The following KLHL13 variants were observed in gnomAD, a reference collection of about 807,000 sequenced individuals.
The protein encoded by KLHL13 is kelch like family member 13.
A neutral mutation model predicts 37.1 loss-of-function variants in KLHL13; 10 were observed. That is an observed-to-expected ratio of 0.27 (90% CI 0.17 to 0.46). The LOEUF is 0.46. Ranked by LOEUF, KLHL13 falls within the 20% of genes least tolerant of loss-of-function variation. The probability of loss-of-function intolerance (pLI) is 1.00; values close to 1 mark genes in which losing one functional copy is unlikely to be tolerated. For synonymous variants in KLHL13, 163 were observed against 181.2 expected (o/e 0.90, Z 0.81); for missense variants, 360 against 509.3 (o/e 0.71, Z 2.82).
chrX:117,905,872 C>A (rs942640413), intron 5 of KLHL13, among the ~76,000 whole-genome samples: 1 of 111,237 alleles, frequency 9.0e-6, no homozygotes. Context: ...TGACTATAGT[C>A]ACCCTGCTGT....
intron 1 of KLHL13, among the ~76,000 whole-genome samples, chrX:117,965,572 G>C (rs1352235595): frequency 9.0e-6 from 1 of 111,154 alleles, no homozygotes; most frequent in Non-Finnish European, 1.9e-5. Context: ...GCATCATCCT[G>C]ATACCAAAGT....
At chrX:117,901,995 C>G in intron 5 of KLHL13, 49 bp from the exon 7 acceptor site, 1 of 669,127 alleles carries the variant, frequency 1.5e-6, no homozygotes, top group Non-Finnish European at 2.3e-6. Context: ...TCAAATTTAG[C>G]AATTAATTAT....
chrX:118,050,822 A>G (rs1365647564), intron 1 of KLHL13, among the ~76,000 whole-genome samples: 1 of 111,864 alleles, frequency 8.9e-6, no homozygotes, highest in Admixed American at 9.5e-5. Context: ...ACAGCATAAA[A>G]TTATTATTTA....
intron 1 of KLHL13, among the ~76,000 whole-genome samples, chrX:118,085,796 G>GGT (rs4025518): frequency 0.21 from 17,704 of 85,319 alleles, 1,942 homozygotes; most frequent in East Asian, 0.32. Flanking sequence ...AATATTCCAT[G>GGT]GTGTGTGTGT....
At chrX:117,971,227 T>C (rs1300675334) in intron 1 of KLHL13, among the ~76,000 whole-genome samples, 1 of 111,724 alleles carries the variant, frequency 9.0e-6, no homozygotes, top group African/African-American at 3.2e-5. Context: ...GTAGGAATAT[T>C]AGAAACATTA....
chrX:118,096,348 C>T (rs1479070953), intron 1 of KLHL13, among the ~76,000 whole-genome samples: 16 of 111,454 alleles, frequency 1.4e-4, no homozygotes, highest in Admixed American at 1.2e-3. Flanking sequence ...ATAAATTCCT[C>T]GACACATACA....
intron 1 of KLHL13, among the ~76,000 whole-genome samples, chrX:117,991,546 A>G (rs910942312): frequency 1.8e-5 from 2 of 111,096 alleles, no homozygotes; most frequent in Admixed American, 9.6e-5. Flanking sequence ...ATGTATTTGT[A>G]GACTCCACTT....
At chrX:117,999,565 G>C (rs901421061) in intron 1 of KLHL13, among the ~76,000 whole-genome samples, 2 of 110,129 alleles carry the variant, frequency 1.8e-5, no homozygotes, top group Admixed American at 9.7e-5. Context: ...ATGGGGGAGG[G>C]ATAGCATTAG....
At chrX:118,028,601 G>A in intron 1 of KLHL13, 104 bp from the exon 2 acceptor site, 1 of 404,855 alleles carries the variant, frequency 2.5e-6, no homozygotes. Context: ...TTGAATTAAA[G>A]GAAAAATGTA....
intron 1 of KLHL13, among the ~76,000 whole-genome samples, chrX:118,051,906 G>C (rs2054618094): frequency 9.0e-6 from 1 of 111,313 alleles, no homozygotes; most frequent in Admixed American, 9.6e-5. Flanking sequence ...GGGGAGGGTG[G>C]TTGTGGAGGC....
At chrX:118,019,428 C>T (rs1167651159) in intron 1 of KLHL13, among the ~76,000 whole-genome samples, 2 of 109,599 alleles carry the variant, frequency 1.8e-5, no homozygotes, top group Non-Finnish European at 3.8e-5. Context: ...AAAATTTTCT[C>T]CCATTTTGTA....
intron 1 of KLHL13, among the ~76,000 whole-genome samples, chrX:118,018,910 G>A (rs937221799): frequency 9.0e-6 from 1 of 111,037 alleles, no homozygotes; most frequent in Non-Finnish European, 1.9e-5. Context: ...AGATATACAA[G>A]CCTAACCTTT....
chrX:118,051,145 T>C (rs1044251534), intron 1 of KLHL13, among the ~76,000 whole-genome samples: 8 of 108,778 alleles, frequency 7.4e-5, no homozygotes, highest in African/African-American at 2.7e-4. Context: ...TCATATTCTA[T>C]AAGTACTGGA....
chrX:117,945,539 C>A, exon 2 of KLHL13: 1 of 1,208,268 alleles, frequency 8.3e-7, no homozygotes, highest in Non-Finnish European at 1.1e-6. Flanking sequence ...CTCCAAGGGA[C>A]AATTTCATGT....
intron 1 of KLHL13, among the ~76,000 whole-genome samples, chrX:118,063,972 T>C (rs1452167310): frequency 9.0e-6 from 1 of 111,725 alleles, no homozygotes; most frequent in Non-Finnish European, 1.9e-5. Context: ...TATATTTTTT[T>C]CCGACTAAGT....
chrX:118,065,969 T>C lies in KLHL13; in HGVS notation c.-56+50539A>G, dbSNP rs757132578. Among the ~76,000 whole-genome samples, 21 of 112,018 alleles carry C rather than the reference T, an allele frequency of 1.9e-4. No individual in the cohort carries two copies. In the South Asian group the frequency reaches 7.4e-3, roughly 39 times the overall value. The stretch of plus-strand genomic sequence containing the variant: ...AGCTGATAGTATATTATCTAAAAAT[T>C]TGTAAAGTCATAACAAAAATTAAAC... On this transcript the variant is annotated intron_variant, in intron 1 of 6. Transcript: ENST00000371882.
chrX:117,926,043 G>T, intron 2 of KLHL13, among the ~76,000 whole-genome samples: 1 of 111,518 alleles, frequency 9.0e-6, no homozygotes, highest in African/African-American at 3.3e-5. Context: ...AAATAATTAG[G>T]CATTTTTAGT....
In KLHL13 at chrX:117,985,446, T is replaced by A. The variant is rs1386155732; in HGVS notation, c.-55-39871A>T. The A allele has an allele frequency of 1.0e-5, 8 of 780,880 alleles. No homozygotes were observed. In the Admixed American group the frequency reaches 3.7e-4, roughly 37 times the overall value. 64.4% of individuals were successfully genotyped at this position (780,880 alleles called of 1,213,427 possible). A position where few individuals can be genotyped will look rare whatever the true frequency, so the allele number is the denominator to read the frequency against. On this transcript the variant is annotated intron_variant, in intron 1 of 6. Coordinates refer to the KLHL13 transcript ENST00000371882. ...AAAAGCAGAAACAGGCTTTATATATTTAAAAAAAAAAAAAAAAACCTATGT... is the reference window on the plus strand; with the variant it reads ...AAAAGCAGAAACAGGCTTTATATATATAAAAAAAAAAAAAAAAACCTATGT...
chrX:117,991,150 G>A (rs1437130387), intron 1 of KLHL13, among the ~76,000 whole-genome samples: 10 of 88,109 alleles, frequency 1.1e-4, no homozygotes, highest in African/African-American at 6.2e-4. Flanking sequence ...AAAAAAAAAA[G>A]TCTTATAAAT....
Sources: allele counts gnomAD v4.1 joint callset (sites outside exome capture counted in the v4.1 genomes callset), GRCh38; gene constraint gnomAD v4.1.1; transcripts MANE v1.5; gene names NCBI Gene and HGNC (gene_info 2026-07-23, HGNC 2026-07-21).